Variants in JAK1 observed in about 807,000 individuals in gnomAD.
The protein encoded by JAK1 is tyrosine-protein kinase JAK1.
In JAK1, 16 loss-of-function variants were observed where a neutral mutation model predicts 136.6. That is an observed-to-expected ratio of 0.12 (90% CI 0.08 to 0.18). The LOEUF is 0.18. JAK1 is among the 10% of genes least tolerant of loss of function. JAK1 has a pLI of 1.00. For synonymous variants in JAK1, 492 were observed against 519.5 expected (o/e 0.95, Z 0.72); for missense variants, 859 against 1,450.1 (o/e 0.59, Z 6.62).
rs755650243 is a variant in JAK1 at position 64,860,149 on chromosome 1, CG to C, written c.1289del (p.Pro430ArgfsTer2). The C allele has an allele frequency of 6.9e-6, 11 of 1,600,012 alleles. No homozygotes were observed. Among genetic ancestry groups the C allele is most frequent in the Middle Eastern group, 1.7e-4 (1 of 6,002 alleles). ...CATTCTGTATGTTGTGGACGATCAA[CG>C]GGGGGGCCACGTCGGTGCAGAGGTA... is the stretch of plus-strand genomic sequence containing the variant. ...HHYLCTDVAPPLIVHNIQNGC... is the reference protein window; with the variant it reads ...HHYLCTDVAPXLIVHNIQNGC... On this transcript the variant is annotated frameshift_variant, in exon 9 of 25. Transcript: ENST00000342505. LOFTEE classifies it high-confidence loss of function.
At chr1:65,006,339 A>C (rs1442583893) in intron 2 of JAK1, among the ~76,000 whole-genome samples, 1 of 152,138 alleles carries the variant, frequency 6.6e-6, no homozygotes, top group African/African-American at 2.4e-5. Flanking sequence ...TTCTTTAATT[A>C]AAACGGCTTC....
chr1:65,047,591 T>C (rs1330654213), intron 1 of JAK1, among the ~76,000 whole-genome samples: 1 of 151,868 alleles, frequency 6.6e-6, no homozygotes, highest in Non-Finnish European at 1.5e-5. Flanking sequence ...TGGTGGCAGG[T>C]GCGTGTAGTC....
chr1:64,844,427 T>A lies in JAK1; in HGVS notation c.2252-212A>T, dbSNP rs552787373. Among the ~76,000 whole-genome samples, 179 of 152,290 alleles carry A rather than the reference T, an allele frequency of 1.2e-3. 1 individual carries two copies. Among genetic ancestry groups the A allele is most frequent in the African/African-American group, 4.2e-3 (173 of 41,562 alleles). ...AGCACTTCTGATACATCAGTCTGGG[T>A]CACAGCCAGCAGATGGGTCCCTGCC... On this transcript the variant is annotated intron_variant, in intron 16 of 24. Transcript: ENST00000342505. This position sits in a 1 kb window ranked among gnomAD's most constrained non-coding sequence, Gnocchi z 5.7.
In JAK1 at chr1:64,845,526, G is replaced by A. The variant is rs117679986; in HGVS notation, c.2102C>T (p.Ala701Val). The change falls in exon 15 of 25, where the codon GCC (alanine) becomes GTC (valine). Residue 701 changes from alanine to valine, a missense_variant. Around this residue, in one of 4 missense-constraint regions of JAK1, gnomAD observed 409 missense variants for 753.8 expected, o/e 0.54. Coordinates refer to ENST00000342505, the MANE Select transcript of JAK1 (RefSeq NM_002227.4). ...GGACATTCTCACCAAGTAGCTCAGG[G>A]CACTGGCCAGCTGTTTGGCAACTTT... ...KFKVAKQLAS[A>V]LSYLEDKDLV... 6.8e-6 allele frequency: 11 copies of A among 1,614,142 alleles called. No individual in the cohort carries two copies. The East Asian group carries it at 2.2e-4, about 33-fold the overall frequency.
At chr1:64,982,947 T>C (rs1482232851) in intron 2 of JAK1, among the ~76,000 whole-genome samples, 1 of 152,154 alleles carries the variant, frequency 6.6e-6, no homozygotes, top group African/African-American at 2.4e-5. Context: ...AGAGGTGAAG[T>C]TGGAAGAAGG....
chr1:65,062,314 T>TAA (rs777569061), intron 1 of JAK1, among the ~76,000 whole-genome samples: 22 of 152,364 alleles, frequency 1.4e-4, no homozygotes, highest in Admixed American at 2.0e-4. Flanking sequence ...TTAGATTTTA[T>TAA]GGTTTGCTCA....
At chr1:64,842,816 G>C (rs1380907494) in intron 17 of JAK1, among the ~76,000 whole-genome samples, 1 of 152,176 alleles carries the variant, frequency 6.6e-6, no homozygotes, top group Non-Finnish European at 1.5e-5. Context: ...CAGATCTGTA[G>C]ATCTGATGGT....
Position 64,844,877 on chromosome 1 carries a change from G to C in JAK1, c.2128C>G (p.Leu710Val), listed in dbSNP as rs377757935. 3.0e-5 allele frequency: 48 copies of C among 1,614,072 alleles called. No individual in the cohort carries two copies. The African/African-American group carries it at 5.1e-4, about 17-fold the overall frequency. Reference sequence around the variant, plus strand: ...TTAGTACACACATTTCCATGGACCAGGTCTTTATCCTCCTGCAGAGTAAAA... The same window carrying C: ...TTAGTACACACATTTCCATGGACCACGTCTTTATCCTCCTGCAGAGTAAAA... Reference protein sequence around the residue: ...SALSYLEDKDLVHGNVCTKNL... With the variant: ...SALSYLEDKDVVHGNVCTKNL... The change falls in exon 16 of 25, where the codon CTG (leucine) becomes GTG (valine). Residue 710 changes from leucine (L) to valine (V), a missense_variant. Leu to Val is a conservative substitution (Grantham distance 32, BLOSUM62 1). Around this residue, in one of 4 missense-constraint regions of JAK1, gnomAD observed 409 missense variants for 753.8 expected, o/e 0.54. Transcript: ENST00000342505. The surrounding 1 kb of genome is among the most constrained non-coding windows in gnomAD (Gnocchi z 5.7).
chr1:65,043,836 C>T (rs1245295092), intron 2 of JAK1, among the ~76,000 whole-genome samples: 4 of 151,926 alleles, frequency 2.6e-5, no homozygotes, highest in African/African-American at 9.7e-5. Flanking sequence ...ATTCTCCTGC[C>T]TCAGCCTCCC....
At chr1:64,965,831 G>C (rs1338240746) in intron 1 of JAK1, among the ~76,000 whole-genome samples, 3 of 151,738 alleles carry the variant, frequency 2.0e-5, no homozygotes, top group Admixed American at 6.6e-5. Context: ...ACTTTCCCTC[G>C]CTGAGACCGC....
chr1:64,963,799 C>T (rs1342392062), intron 1 of JAK1, among the ~76,000 whole-genome samples: 1 of 152,082 alleles, frequency 6.6e-6, no homozygotes, highest in Non-Finnish European at 1.5e-5. Flanking sequence ...CTCAGTATTC[C>T]AAAGCAGGAC....
At chr1:64,884,425 A>G (rs1453424570) in intron 2 of JAK1, among the ~76,000 whole-genome samples, 2 of 152,150 alleles carry the variant, frequency 1.3e-5, no homozygotes, top group African/African-American at 4.8e-5. Flanking sequence ...TTAAACCCCT[A>G]AAGTAATTTC....
intron 8 of JAK1, among the ~76,000 whole-genome samples, chr1:64,860,964 G>GTGTGTGTGTA (rs1339835277): frequency 9.0e-5 from 12 of 132,716 alleles, no homozygotes; most frequent in African/African-American, 3.1e-4. Context: ...GTGTGTGTGT[G>GTGTGTGTGTA]TGTATGTGTG....
At position 64,841,390 on chromosome 1, in the gene JAK1, T is replaced by C. The variant is rs756717891; in HGVS notation, c.2555-51A>G. ...GTGAAAGGCAGTCGATTGCCAGGGA[T>C]TGCCACCCAGGCTCCTGTTTCTCCC... On this transcript the variant is annotated intron_variant, in intron 18 of 24. Coordinates refer to ENST00000342505, the MANE Select transcript of JAK1 (RefSeq NM_002227.4). The C allele has an allele frequency of 8.1e-6, 13 of 1,609,014 alleles. No homozygotes were observed. The East Asian group carries it at 2.5e-4, about 30-fold the overall frequency.
chr1:64,953,890 G>C (rs1470939446), intron 1 of JAK1, among the ~76,000 whole-genome samples: 3 of 152,126 alleles, frequency 2.0e-5, no homozygotes, highest in African/African-American at 7.2e-5. Context: ...GGCCAGGCTG[G>C]TCTTGAACTC....
chr1:64,989,801 T>C (rs1165774752), intron 2 of JAK1: 1 of 152,300 alleles, frequency 6.6e-6, no homozygotes, highest in East Asian at 1.9e-4. Context: ...TAGCCAGCCA[T>C]GCATGTGCCC....
At chr1:64,959,847 A>T (rs1460686746) in intron 1 of JAK1, among the ~76,000 whole-genome samples, 1 of 152,182 alleles carries the variant, frequency 6.6e-6, no homozygotes, top group Non-Finnish European at 1.5e-5. Flanking sequence ...TTTTGTATCT[A>T]CTGGTGGCAT....
intron 2 of JAK1, chr1:65,004,157 T>C (rs991083261): frequency 4.6e-5 from 7 of 152,178 alleles, no homozygotes; most frequent in Non-Finnish European, 7.3e-5. Flanking sequence ...GCCAGGCTGG[T>C]TTCAAATTCC....
At chr1:65,002,561 C>G (rs558257255) in intron 2 of JAK1, 1 of 152,370 alleles carries the variant, frequency 6.6e-6, no homozygotes, top group East Asian at 1.9e-4. Flanking sequence ...CTTGGATCAC[C>G]AAGCCTGCAC....
Sources: gnomAD v4.1 joint callset for allele counts (sites outside exome capture counted in the v4.1 genomes callset) on GRCh38, gnomAD v4.1.1 for gene constraint, gnomAD v4.1.1 regional missense constraint, Gnocchi (gnomAD v3.1) non-coding constraint, MANE v1.5 for transcripts, NCBI Gene and HGNC (gene_info 2026-07-23, HGNC 2026-07-21) for gene names.